The following AFG2A variants were observed in gnomAD, a reference collection of about 807,000 sequenced individuals.
The protein encoded by AFG2A is AAA ATPase AFG2A, also known as ATPase family gene 2 protein homolog A.
the AFG2A span, among the ~76,000 whole-genome samples, chr4:123,050,632 T>C: frequency 6.6e-6 from 1 of 152,196 alleles, no homozygotes; most frequent in Non-Finnish European, 1.5e-5. Context: ...CTCCTGCTTT[T>C]TTTTGGTCTC....
chr4:123,025,225 C>T, the AFG2A span, among the ~76,000 whole-genome samples: 1 of 152,192 alleles, frequency 6.6e-6, no homozygotes, highest in South Asian at 2.1e-4. Flanking sequence ...CATCCAGTTA[C>T]ACTCTTCTGT....
the AFG2A span, among the ~76,000 whole-genome samples, chr4:123,293,022 C>T: frequency 4.6e-5 from 7 of 152,116 alleles, no homozygotes; most frequent in African/African-American, 2.4e-5. Flanking sequence ...CAGACCAGCA[C>T]GAAAGCAATC....
the AFG2A span, among the ~76,000 whole-genome samples, chr4:123,196,518 T>C: frequency 6.6e-6 from 1 of 152,184 alleles, no homozygotes; most frequent in Non-Finnish European, 1.5e-5. Flanking sequence ...TTTCTGAGCA[T>C]TTCACACACA....
chr4:123,077,258 A>G, the AFG2A span, among the ~76,000 whole-genome samples: 9,523 of 152,042 alleles, frequency 0.063, 526 homozygotes, highest in African/African-American at 0.14. Context: ...CATGTTGGCC[A>G]GGATGGTCTC....
chr4:122,928,506 G>A, the AFG2A span, among the ~76,000 whole-genome samples: 2 of 152,046 alleles, frequency 1.3e-5, no homozygotes, highest in Non-Finnish European at 2.9e-5. Context: ...TGCTTTAAAG[G>A]TCCTTTACTG....
At chr4:123,131,324 G>T in the AFG2A span, among the ~76,000 whole-genome samples, 1 of 151,520 alleles carries the variant, frequency 6.6e-6, no homozygotes, top group African/African-American at 2.4e-5. Flanking sequence ...TTTTTATTGC[G>T]GTAAAAAAGC....
chr4:123,112,495 A>G, the AFG2A span, among the ~76,000 whole-genome samples: 1 of 152,172 alleles, frequency 6.6e-6, no homozygotes, highest in Non-Finnish European at 1.5e-5. Flanking sequence ...GATTTCTTTT[A>G]TAGTCAGTAT....
chr4:123,170,616 C>T, the AFG2A span, among the ~76,000 whole-genome samples: 1 of 152,016 alleles, frequency 6.6e-6, no homozygotes, highest in South Asian at 2.1e-4. Context: ...AGGGTAAAGG[C>T]TATTTGTTCC....
the AFG2A span, among the ~76,000 whole-genome samples, chr4:122,942,557 A>C: frequency 6.6e-6 from 1 of 151,964 alleles, no homozygotes; most frequent in African/African-American, 2.4e-5. Context: ...GCGGTCTATC[A>C]ATTTTGTTCA....
At chr4:122,977,385 G>A in the AFG2A span, among the ~76,000 whole-genome samples, 1 of 152,256 alleles carries the variant, frequency 6.6e-6, no homozygotes, top group South Asian at 2.1e-4. Flanking sequence ...GCAGTGGAGT[G>A]GACAGCCCCA....
chr4:123,188,647 T>G, the AFG2A span, among the ~76,000 whole-genome samples: 5 of 152,242 alleles, frequency 3.3e-5, no homozygotes, highest in Non-Finnish European at 7.3e-5. Context: ...CCTTGAGATG[T>G]ACTGATCTTT....
chr4:123,152,086 A>G, the AFG2A span, among the ~76,000 whole-genome samples: 3 of 145,804 alleles, frequency 2.1e-5, no homozygotes, highest in African/African-American at 7.5e-5. Context: ...ATGAGAACAC[A>G]TGGACACAGG....
At chr4:123,256,818 C>G in the AFG2A span, 2 of 984,054 alleles carry the variant, frequency 2.0e-6, no homozygotes, top group Non-Finnish European at 2.4e-6. Context: ...TTTTTTCTCT[C>G]CTTACCAACT....
the AFG2A span, among the ~76,000 whole-genome samples, chr4:122,988,331 A>G: frequency 6.9e-6 from 1 of 144,296 alleles, no homozygotes; most frequent in Non-Finnish European, 1.5e-5. Context: ...AGCCTAAAGA[A>G]CTCCAAATAC....
At chr4:123,274,980 A>G in the AFG2A span, among the ~76,000 whole-genome samples, 4 of 152,124 alleles carry the variant, frequency 2.6e-5, no homozygotes, top group Non-Finnish European at 5.9e-5. Flanking sequence ...GTACCCATAT[A>G]TTCACCTTCA....
At chr4:123,011,809 G>A in the AFG2A span, among the ~76,000 whole-genome samples, 1 of 152,168 alleles carries the variant, frequency 6.6e-6, no homozygotes, top group African/African-American at 2.4e-5. Context: ...AGCAAGTCCA[G>A]AGAAAAGAGA....
At chr4:123,027,761 TTCTATAAAGA>T in the AFG2A span, among the ~76,000 whole-genome samples, 1 of 152,188 alleles carries the variant, frequency 6.6e-6, no homozygotes, top group South Asian at 2.1e-4. Flanking sequence ...TGATTGTGTG[TTCTATAAAGA>T]TCTACAAAAA....
chr4:123,312,143 AAC>A, the AFG2A span, among the ~76,000 whole-genome samples: 1 of 152,216 alleles, frequency 6.6e-6, no homozygotes, highest in African/African-American at 2.4e-5. Flanking sequence ...ACTGTGCAAA[AAC>A]AGGGAGATAT....
chr4:122,963,644 C>G, the AFG2A span, among the ~76,000 whole-genome samples: 1 of 152,096 alleles, frequency 6.6e-6, no homozygotes, highest in Non-Finnish European at 1.5e-5. Context: ...ACCACAGTTA[C>G]ATAAAGTGCT....
Sources: gnomAD v4.1 joint callset for allele counts (sites outside exome capture counted in the v4.1 genomes callset) on GRCh38, gnomAD v4.1.1 for gene constraint, MANE v1.5 for transcripts, NCBI Gene and HGNC (gene_info 2026-07-23, HGNC 2026-07-21) for gene names.